The following LRRC4C variants were observed in gnomAD, a reference collection of about 807,000 sequenced individuals.
LRRC4C encodes the protein leucine-rich repeat-containing protein 4C.
LRRC4C carries 5 observed loss-of-function variants against 33.6 expected under a neutral mutation model. That is an observed-to-expected ratio of 0.15 (90% CI 0.08 to 0.31). The LOEUF is 0.31. Among genes scored for constraint, LRRC4C ranks in the 10% least tolerant of loss-of-function variants. The pLI, the probability that LRRC4C is intolerant of heterozygous loss-of-function variation, is 1.00. For synonymous variants in LRRC4C, 329 were observed against 302.0 expected (o/e 1.09, Z -0.93); for missense variants, 560 against 796.7 (o/e 0.70, Z 3.58).
rs147444159 is a variant in LRRC4C, at chr11:41,212,922, G to A, written c.-496+246509C>T. Among the ~76,000 whole-genome samples, 9 of 152,220 alleles carry A rather than the reference G, an allele frequency of 5.9e-5. 1 individual carries two copies. The East Asian group carries it at 1.7e-3, about 29-fold the overall frequency. Reference sequence around the variant, plus strand: ...TTGAAACACATGGCTAAGGTAAATCGTAAAGGCTTTAAAAAGTTGTTACAC... The same window carrying A: ...TTGAAACACATGGCTAAGGTAAATCATAAAGGCTTTAAAAAGTTGTTACAC... On this transcript the variant is annotated intron_variant, in intron 1 of 6. Coordinates refer to ENST00000528697, the MANE Select transcript of LRRC4C (RefSeq NM_001258419.2).
chr11:41,009,281 C>A (rs1456589564), intron 1 of LRRC4C, among the ~76,000 whole-genome samples: 2 of 151,098 alleles, frequency 1.3e-5, no homozygotes, highest in African/African-American at 2.4e-5. Flanking sequence ...ATATCCAAAA[C>A]AATGTGTGTA....
rs533183225 is a variant in LRRC4C at position 40,230,226 on chromosome 11, G to A, written c.-96+11293C>T. Among the ~76,000 whole-genome samples, 59 of 152,220 alleles carry A rather than the reference G, an allele frequency of 3.9e-4. 1 individual carries two copies. Among genetic ancestry groups the A allele is most frequent in the Middle Eastern group, 3.4e-3 (1 of 294 alleles). ...CAATAGAATTTAAATTTATTATTTCGTGTTAAAGAGAAGAAACATTTTCTA... is the reference window on the plus strand; with the variant it reads ...CAATAGAATTTAAATTTATTATTTCATGTTAAAGAGAAGAAACATTTTCTA... On this transcript the variant is annotated intron_variant, in intron 5 of 6. Coordinates refer to ENST00000528697, the MANE Select transcript of LRRC4C (RefSeq NM_001258419.2).
rs112893810 is a variant in LRRC4C at position 40,969,018 on chromosome 11, G to A, written c.-495-35295C>T. On this transcript the variant is annotated intron_variant, in intron 1 of 6. Coordinates refer to ENST00000528697, the MANE Select transcript of LRRC4C (RefSeq NM_001258419.2). ...TTGGGAGAGCACACTGAAAATCTTC[G>A]GGAAAGTACTCAGCATTCCAGATGC... 2.5e-4 allele frequency among the ~76,000 whole-genome samples: 38 copies of A among 152,172 alleles called. No homozygotes were observed. In the East Asian group the frequency reaches 3.1e-3, roughly 12 times the overall value.
chr11:41,139,354 C>T (rs1943404728), intron 1 of LRRC4C, among the ~76,000 whole-genome samples: 1 of 152,102 alleles, frequency 6.6e-6, no homozygotes, highest in Admixed American at 6.6e-5. Flanking sequence ...GTAACCAAAG[C>T]ATGTCATTTG....
intron 1 of LRRC4C, among the ~76,000 whole-genome samples, chr11:41,281,077 TC>T (rs1191329256): frequency 1.1e-3 from 61 of 54,402 alleles, no homozygotes; most frequent in Middle Eastern, 9.3e-3. Context: ...TCTCTCTCTG[TC>T]CTCTCTCTCT....
chr11:41,020,286 G>C lies in LRRC4C; in HGVS notation c.-495-86563C>G, dbSNP rs1855871085. 2.0e-5 allele frequency among the ~76,000 whole-genome samples: 3 copies of C among 152,120 alleles called. No homozygotes were observed. In the South Asian group the frequency reaches 6.2e-4, roughly 31 times the overall value. On this transcript the variant is annotated intron_variant, in intron 1 of 6. Coordinates refer to ENST00000528697, the MANE Select transcript of LRRC4C (RefSeq NM_001258419.2). ...TTTCTCATGAGGACTTATGGACCCT[G>C]CTGTTGTAGGTAGAATTATTAATAT...
chr11:40,515,813 A>T (rs933513037), intron 3 of LRRC4C, among the ~76,000 whole-genome samples: 1 of 152,116 alleles, frequency 6.6e-6, no homozygotes, highest in Non-Finnish European at 1.5e-5. Context: ...CTCATGAAGT[A>T]CTGTGGCCAA....
intron 2 of LRRC4C, among the ~76,000 whole-genome samples, chr11:40,779,590 T>A (rs952086286): frequency 7.2e-5 from 11 of 152,178 alleles, no homozygotes; most frequent in African/African-American, 2.7e-4. Context: ...GTTCAAATAT[T>A]TCTATTTCTC....
At chr11:40,477,784 T>C (rs944725836) in intron 3 of LRRC4C, among the ~76,000 whole-genome samples, 1 of 152,074 alleles carries the variant, frequency 6.6e-6, no homozygotes, top group Non-Finnish European at 1.5e-5. Context: ...GGGAAATGGA[T>C]TTTAGTCTTG....
intron 1 of LRRC4C, among the ~76,000 whole-genome samples, chr11:40,943,448 A>G (rs1180221474): frequency 6.6e-6 from 1 of 152,194 alleles, no homozygotes; most frequent in Non-Finnish European, 1.5e-5. Context: ...CCTGCCAAAG[A>G]AAATGCAATT....
At chr11:40,747,570 AAAT>A (rs1219063303) in intron 2 of LRRC4C, among the ~76,000 whole-genome samples, 1 of 152,144 alleles carries the variant, frequency 6.6e-6, no homozygotes, top group Non-Finnish European at 1.5e-5. Flanking sequence ...AATAAAAAAT[AAAT>A]TTATAAGATT....
intron 2 of LRRC4C, among the ~76,000 whole-genome samples, chr11:40,808,803 G>A (rs768134681): frequency 1.8e-4 from 28 of 152,038 alleles, no homozygotes; most frequent in Non-Finnish European, 3.2e-4. Flanking sequence ...CTTTCTCTCT[G>A]ACTAAACAGA....
chr11:40,882,543 T>C (rs1013666920), intron 2 of LRRC4C, among the ~76,000 whole-genome samples: 40 of 152,220 alleles, frequency 2.6e-4, no homozygotes, highest in African/African-American at 9.1e-4. Flanking sequence ...TCTGCATCTT[T>C]CTACATACTA....
At chr11:40,947,972 T>A (rs983297051) in intron 1 of LRRC4C, among the ~76,000 whole-genome samples, 1 of 152,168 alleles carries the variant, frequency 6.6e-6, no homozygotes, top group Non-Finnish European at 1.5e-5. Context: ...TGTCCTCATT[T>A]TTTTTCAGCT....
rs1184558254 is a variant in LRRC4C at position 41,362,222 on chromosome 11, TC to T, written c.-496+97208del. Among the ~76,000 whole-genome samples the T allele has an allele frequency of 2.0e-5, 3 of 152,092 alleles. No individual in the cohort carries two copies. The East Asian group carries it at 5.8e-4, about 29-fold the overall frequency. On this transcript the variant is annotated intron_variant, in intron 1 of 6. Coordinates refer to ENST00000528697, the MANE Select transcript of LRRC4C (RefSeq NM_001258419.2). ...CTCACAACCCTTTCATTACTGGTCT[TC>T]CCCACATCTTGCTGAAAAATCTCTT...
At chr11:40,744,360 T>A (rs367718233) in intron 2 of LRRC4C, among the ~76,000 whole-genome samples, 24 of 152,172 alleles carry the variant, frequency 1.6e-4, no homozygotes, top group Admixed American at 7.2e-4. Context: ...GAGGACAGAG[T>A]AATTCTTGGA....
intron 1 of LRRC4C, among the ~76,000 whole-genome samples, chr11:41,441,704 C>T (rs899938398): frequency 1.3e-5 from 2 of 150,488 alleles, no homozygotes; most frequent in African/African-American, 4.9e-5. Flanking sequence ...ATGGCAAGAA[C>T]TTCAGCAATT....
intron 1 of LRRC4C, among the ~76,000 whole-genome samples, chr11:40,964,807 T>C (rs951291590): frequency 4.0e-5 from 6 of 151,836 alleles, no homozygotes; most frequent in Admixed American, 1.3e-4. Context: ...TCTTTGCTAT[T>C]GTGAATAGTG....
chr11:40,154,545 G>C (rs942855599), intron 5 of LRRC4C, among the ~76,000 whole-genome samples: 25 of 152,276 alleles, frequency 1.6e-4, no homozygotes, highest in African/African-American at 5.8e-4. Context: ...AAGTGAGCCA[G>C]GGTAGTTATT....
Sources: gnomAD v4.1 joint callset for allele counts (sites outside exome capture counted in the v4.1 genomes callset) on GRCh38, gnomAD v4.1.1 for gene constraint, MANE v1.5 for transcripts, NCBI Gene and HGNC (gene_info 2026-07-23, HGNC 2026-07-21) for gene names.